FHAD1: variants seen among roughly 807,000 people sequenced by gnomAD.
The protein encoded by FHAD1 is forkhead-associated domain-containing protein 1.
In FHAD1, 146 loss-of-function variants were observed where a neutral mutation model predicts 191.3. The observed-to-expected ratio is 0.76, with a 90% CI of 0.67 to 0.88. The LOEUF is 0.88. FHAD1 is among the 40% of genes least tolerant of loss of function. The pLI, the probability that FHAD1 is intolerant of heterozygous loss-of-function variation, is 0.00. For synonymous variants in FHAD1, 616 were observed against 672.3 expected (o/e 0.92, Z 1.29); for missense variants, 1,635 against 1,785.8 (o/e 0.92, Z 1.52).
chr1:15,365,855 A>G lies in FHAD1; in HGVS notation c.3076A>G (p.Ile1026Val), dbSNP rs1696259293. The G allele has an allele frequency of 9.0e-6, 14 of 1,551,478 alleles. No individual in the cohort carries two copies. Among genetic ancestry groups the G allele is most frequent in the Non-Finnish European group, 1.1e-5 (13 of 1,146,816 alleles). ...IDDLLAAQKE[I>V]LSQQEVIMKL... ...TGACTTATTGGCTGCTCAGAAGGAA[A>G]TTCTGTCTCAGCAGGAAGTCATCAT... Residue 1026 changes from isoleucine to valine, a missense_variant, in exon 24 of 34, where the codon ATT becomes GTT. Physicochemically the swap from Ile to Val is conservative, Grantham distance 29 (BLOSUM62 3). Transcript: ENST00000688493.
Position 15,329,595 on chromosome 1 carries a change from A to G in FHAD1, c.1906+54A>G. On this transcript the variant is annotated intron_variant, in intron 14 of 33. Transcript: ENST00000688493. The surrounding 1 kb of genome is among the most constrained non-coding windows in gnomAD (Gnocchi z 5.0). The stretch of plus-strand genomic sequence containing the variant: ...TGCATGACTCTAAAATGTCGCGTTG[A>G]ATCTCAGCATGATGGGACATCTGTT... 1 of 1,495,460 alleles carries G rather than the reference A, an allele frequency of 6.7e-7. No homozygotes were observed. Among genetic ancestry groups the G allele is most frequent in the Non-Finnish European group, 9.1e-7 (1 of 1,097,674 alleles). 92.6% of individuals were successfully genotyped at this position (1,495,460 alleles called of 1,614,324 possible).
chr1:15,294,383 G>C (rs1666201478), intron 4 of FHAD1, among the ~76,000 whole-genome samples: 1 of 152,142 alleles, frequency 6.6e-6, no homozygotes, highest in Non-Finnish European at 1.5e-5. Context: ...ATAATTGTTT[G>C]TTGTGGGGCT....
chr1:15,396,032 A>G (rs1705838186), intron 33 of FHAD1, among the ~76,000 whole-genome samples: 1 of 152,186 alleles, frequency 6.6e-6, no homozygotes, highest in South Asian at 2.1e-4. Flanking sequence ...TAAAGGGACC[A>G]GGCTTGGTGG....
chr1:15,372,493 C>T (rs1380151971), intron 26 of FHAD1, among the ~76,000 whole-genome samples: 1 of 152,164 alleles, frequency 6.6e-6, no homozygotes, highest in Non-Finnish European at 1.5e-5. Flanking sequence ...TGTCTGTTAC[C>T]TGTCTGCCCC....
chr1:15,287,083 C>T (rs1662719283), intron 3 of FHAD1: 1 of 152,352 alleles, frequency 6.6e-6, no homozygotes, highest in Non-Finnish European at 1.5e-5. Flanking sequence ...TGGGGAAGGA[C>T]ATGATGGACG....
At chr1:15,372,074 A>G (rs746041505) in intron 26 of FHAD1, among the ~76,000 whole-genome samples, 4 of 152,190 alleles carry the variant, frequency 2.6e-5, no homozygotes, top group Non-Finnish European at 4.4e-5. Context: ...TAAAATGTCC[A>G]GTGGGAATAA....
At chr1:15,383,423 G>C in intron 31 of FHAD1, 1 of 371,606 alleles carries the variant, frequency 2.7e-6, no homozygotes, top group Non-Finnish European at 5.4e-6. Flanking sequence ...CCTCAGACCC[G>C]GTAGGGTCTA....
chr1:15,384,938 G>A (rs1176162791), intron 31 of FHAD1, among the ~76,000 whole-genome samples: 1 of 151,932 alleles, frequency 6.6e-6, no homozygotes, highest in Non-Finnish European at 1.5e-5. Context: ...TACAGAAACG[G>A]GACCTCAGCG....
At chr1:15,248,578 CCT>C (rs1557906565) in intron 1 of FHAD1, among the ~76,000 whole-genome samples, 13 of 144,698 alleles carry the variant, frequency 9.0e-5, no homozygotes, top group Non-Finnish European at 9.2e-5. Flanking sequence ...AAGGAGATGA[CCT>C]TTTTTTTTTT....
At chr1:15,354,065 C>T (rs1206970786) in intron 20 of FHAD1, among the ~76,000 whole-genome samples, 2 of 152,172 alleles carry the variant, frequency 1.3e-5, no homozygotes, top group Non-Finnish European at 2.9e-5. Context: ...ATATAGGTGA[C>T]TATGACTTCA....
intron 3 of FHAD1, among the ~76,000 whole-genome samples, chr1:15,285,618 C>T (rs1662163125): frequency 6.6e-6 from 1 of 152,118 alleles, no homozygotes; most frequent in Non-Finnish European, 1.5e-5. Context: ...ATTTACACAT[C>T]ATGCACTGGC....
intron 28 of FHAD1, among the ~76,000 whole-genome samples, chr1:15,380,467 C>T (rs1700652670): frequency 6.6e-6 from 1 of 152,180 alleles, no homozygotes; most frequent in Non-Finnish European, 1.5e-5. Context: ...GATCAAAGAA[C>T]AAGACAAGTG....
chr1:15,314,682 GTGGGGA>G (rs1285321406), intron 8 of FHAD1: 1 of 180 alleles, frequency 5.6e-3, no homozygotes, highest in African/African-American at 0.038. Flanking sequence ...GAATGGGTGT[GTGGGGA>G]TGTGGATGTG....
chr1:15,257,802 A>G (rs1203971845), intron 2 of FHAD1, among the ~76,000 whole-genome samples: 1 of 152,212 alleles, frequency 6.6e-6, no homozygotes, highest in African/African-American at 2.4e-5. Flanking sequence ...CGCCATTTTA[A>G]GTGTTCAGTT....
chr1:15,384,988 C>G (rs897756899), intron 31 of FHAD1, among the ~76,000 whole-genome samples: 1 of 152,160 alleles, frequency 6.6e-6, no homozygotes, highest in Non-Finnish European at 1.5e-5. Flanking sequence ...CACTCATCCC[C>G]CCTATTCCTT....
Position 15,335,074 on chromosome 1 carries a change from C to T in FHAD1, c.1907-4407C>T, listed in dbSNP as rs192706700. Among the ~76,000 whole-genome samples, 581 of 152,278 alleles carry T rather than the reference C, an allele frequency of 3.8e-3. 5 individuals are homozygous for T. Among genetic ancestry groups the T allele is most frequent in the Middle Eastern group, 0.014 (4 of 294 alleles). ...CTAGGATGGAAATCCTGAAACGAAT[C>T]CCCCAGGGGAATCCAGGCGGGGTAA... On this transcript the variant is annotated intron_variant, in intron 14 of 33. Coordinates refer to ENST00000688493, the MANE Select transcript of FHAD1 (RefSeq NM_001391957.1).
Position 15,327,113 on chromosome 1 carries a change from T to C in FHAD1, c.1528T>C (p.Phe510Leu). Residue 510 changes from phenylalanine to leucine, a missense_variant, in exon 12 of 34, where the codon TTC (phenylalanine) becomes CTC (leucine). Transcript: ENST00000688493. This position sits in a 1 kb window ranked among gnomAD's most constrained non-coding sequence, Gnocchi z 5.1. The part of the protein sequence containing the change: ...IKATYGRAKP[F>L]RDKPVTDQQL... ...GGCCACCTATGGACGGGCGAAGCCG[T>C]TCCGGGACAAGCCCGTCACCGACCA... 1 of 1,551,330 alleles carries C rather than the reference T, an allele frequency of 6.4e-7. No homozygotes were observed. The highest frequency in any genetic ancestry group is 8.7e-7 in the Non-Finnish European group (1 of 1,146,862).
chr1:15,347,543 G>A (rs530840191), intron 18 of FHAD1, among the ~76,000 whole-genome samples: 41 of 152,288 alleles, frequency 2.7e-4, no homozygotes, highest in Middle Eastern at 3.4e-3. Context: ...TCTGCCTCCC[G>A]GGTTCAAACG....
intron 6 of FHAD1, among the ~76,000 whole-genome samples, chr1:15,302,859 A>T (rs1207923634): frequency 6.6e-6 from 1 of 152,202 alleles, no homozygotes; most frequent in African/African-American, 2.4e-5. Context: ...TCGCCGATTC[A>T]CTGCTTTTGG....
Sources: gnomAD v4.1 joint callset for allele counts (sites outside exome capture counted in the v4.1 genomes callset) on GRCh38, gnomAD v4.1.1 for gene constraint, Gnocchi (gnomAD v3.1) non-coding constraint, MANE v1.5 for transcripts, NCBI Gene and HGNC (gene_info 2026-07-23, HGNC 2026-07-21) for gene names.